Variants in CD1B observed in about 807,000 individuals in gnomAD.
CD1B encodes the protein CD1b molecule, also known as T-cell surface glycoprotein CD1b.
A neutral mutation model predicts 39.8 loss-of-function variants in CD1B; 43 were observed. The observed-to-expected ratio is 1.08, with a 90% CI of 0.85 to 1.39. The LOEUF is 1.39. Among genes scored for constraint, CD1B ranks in the 40% most tolerant of loss-of-function variants. CD1B has a pLI of 0.00. For missense variants in CD1B, 495 were observed against 403.8 expected, an observed-to-expected ratio of 1.23 and a Z score of -1.94; for synonymous variants, 192 against 152.5, an observed-to-expected ratio of 1.26 and a Z score of -1.91.
the CD1B span, among the ~76,000 whole-genome samples, chr1:158,321,400 T>C: frequency 6.6e-6 from 1 of 152,238 alleles, no homozygotes; most frequent in Non-Finnish European, 1.5e-5. Flanking sequence ...TTTGTGTTCT[T>C]CTGCGTAAAG....
chr1:158,293,663 C>T, the CD1B span: 2 of 1,384,284 alleles, frequency 1.4e-6, no homozygotes, highest in Non-Finnish European at 2.0e-6. Flanking sequence ...TTTTATATAG[C>T]ACTCAACCTT....
At chr1:158,318,938 G>T in the CD1B span, among the ~76,000 whole-genome samples, 1 of 152,126 alleles carries the variant, frequency 6.6e-6, no homozygotes, top group Non-Finnish European at 1.5e-5. Context: ...AGTTTGGCTG[G>T]ATATTTAATT....
downstream of CD1B, among the ~76,000 whole-genome samples, chr1:158,327,556 A>G (rs1652400311): frequency 6.6e-6 from 1 of 152,244 alleles, no homozygotes; most frequent in East Asian, 1.9e-4. Context: ...ACAGCAACTC[A>G]GATAGTTTTT....
the CD1B span, among the ~76,000 whole-genome samples, chr1:158,300,867 T>A: frequency 6.6e-6 from 1 of 150,512 alleles, no homozygotes; most frequent in African/African-American, 2.4e-5. Context: ...CATACCATTC[T>A]CCTGCTTGAG....
In CD1B at chr1:158,329,383, G is replaced by A. The variant is rs1280695839; in HGVS notation, c.873C>T (p.Ile291=). The change falls in exon 4 of 6, where the codon ATC becomes ATT. Residue 291 remains isoleucine, a synonymous_variant. Coordinates refer to ENST00000368168, the MANE Select transcript of CD1B (RefSeq NM_001764.3). ...GCTATTTCTTACTCCAGTAGAGGAT[G>A]ATGTCCTGGCCCTCTAAACTGCTGT... is the stretch of plus-strand genomic sequence containing the variant. ...VKHSSLEGQD[I]ILYWRNPTSI... The A allele has an allele frequency of 6.2e-7, 1 of 1,613,612 alleles. No individual in the cohort carries two copies. Among genetic ancestry groups the A allele is most frequent in the East Asian group, 2.2e-5 (1 of 44,864 alleles).
At position 158,330,180 on chromosome 1, in the gene CD1B, A is replaced by G. The variant is rs772087418; in HGVS notation, c.329-50T>C. 2.6e-6 allele frequency: 4 copies of G among 1,516,374 alleles called. No individual in the cohort carries two copies. In the Admixed American group the frequency reaches 6.7e-5, roughly 25 times the overall value. The allele number at this position is 1,516,374 out of a possible 1,614,324, so 93.9% of individuals were successfully genotyped here. A position where few individuals can be genotyped will look rare whatever the true frequency, so the allele number is the denominator to read the frequency against. ...GTTATTAAACACAAATAAGAAAAAA[A>G]GGCATGAGAAAAGAACCTAGGATTT... is the stretch of plus-strand genomic sequence containing the variant. On this transcript the variant is annotated intron_variant, in intron 2 of 5. Coordinates refer to ENST00000368168, the MANE Select transcript of CD1B (RefSeq NM_001764.3).
Position 158,328,141 on chromosome 1 carries a change from G to A in CD1B, c.*95C>T, listed in dbSNP as rs1652428590. On this transcript the variant is annotated 3_prime_UTR_variant, in exon 6 of 6. Coordinates refer to ENST00000368168, the MANE Select transcript of CD1B (RefSeq NM_001764.3). Reference sequence around the variant, plus strand: ...TGAAAACTCTGATTTCATCAAATTTGAAAATCATTTGAAATATGATAAGAT... The same window carrying A: ...TGAAAACTCTGATTTCATCAAATTTAAAAATCATTTGAAATATGATAAGAT... 2.1e-6 allele frequency: 2 copies of A among 935,720 alleles called. No individual in the cohort carries two copies. The highest frequency in any genetic ancestry group is 4.9e-5 in the East Asian group (2 of 40,868). The allele number at this position is 935,720 out of a possible 1,614,324, so 58.0% of individuals were successfully genotyped here.
chr1:158,307,785 C>A, the CD1B span, among the ~76,000 whole-genome samples: 4 of 152,150 alleles, frequency 2.6e-5, no homozygotes, highest in African/African-American at 9.7e-5. Context: ...AATTCAACAA[C>A]CCTTCATGCT....
At chr1:158,308,271 C>T in the CD1B span, among the ~76,000 whole-genome samples, 39 of 152,126 alleles carry the variant, frequency 2.6e-4, 1 homozygote, top group Non-Finnish European at 2.2e-4. Flanking sequence ...ATCCAACTTA[C>T]AAGGGATGTG....
chr1:158,306,397 C>T, the CD1B span, among the ~76,000 whole-genome samples: 226 of 152,196 alleles, frequency 1.5e-3, 1 homozygote, highest in African/African-American at 4.9e-3. Context: ...AAATATTTAT[C>T]CACCCAATAC....
the CD1B span, among the ~76,000 whole-genome samples, chr1:158,322,013 C>T: frequency 6.6e-6 from 1 of 152,132 alleles, no homozygotes; most frequent in Non-Finnish European, 1.5e-5. Flanking sequence ...TAATTTTAAT[C>T]AGAAAAGAAA....
the CD1B span, among the ~76,000 whole-genome samples, chr1:158,291,821 T>C: frequency 1.3e-5 from 2 of 152,156 alleles, no homozygotes; most frequent in Non-Finnish European, 2.9e-5. Context: ...TCACCCTCTA[T>C]CCTATATTAT....
At chr1:158,292,459 A>G in the CD1B span, 1 of 1,499,312 alleles carries the variant, frequency 6.7e-7, no homozygotes, top group Admixed American at 2.0e-5. Context: ...AAAGAGGACA[A>G]GAAGCAGGGG....
the CD1B span, chr1:158,293,644 A>G: frequency 2.0e-6 from 3 of 1,518,716 alleles, no homozygotes; most frequent in Non-Finnish European, 2.7e-6. Context: ...TTTTCTTGGA[A>G]TCTCCACTTT....
intron 5 of CD1B, among the ~76,000 whole-genome samples, 187 bp from the exon 6 acceptor site, chr1:158,328,444 C>T (rs1279387220): frequency 2.0e-5 from 3 of 152,146 alleles, no homozygotes; most frequent in Non-Finnish European, 4.4e-5. Flanking sequence ...AGGAAGGAAG[C>T]CCTTTCATAT....
In CD1B at chr1:158,329,491, G is replaced by T. The variant is rs1571187585; in HGVS notation, c.765C>A (p.Pro255=). ...GGAGATACCATGTCCAGTTAGCATTGGGCAGGATGTCCCCTAGCTGAGTGC... is the reference window on the plus strand; with the variant it reads ...GGAGATACCATGTCCAGTTAGCATTTGGCAGGATGTCCCCTAGCTGAGTGC... ...QQGTQLGDIL[P]NANWTWYLRA... The change falls in exon 4 of 6, where the codon CCC becomes CCA. Residue 255 remains proline, a synonymous_variant. Coordinates refer to ENST00000368168, the MANE Select transcript of CD1B (RefSeq NM_001764.3). 2 of 1,614,096 alleles carry T rather than the reference G, an allele frequency of 1.2e-6. No individual in the cohort carries two copies. The highest frequency in any genetic ancestry group is 2.7e-5 in the African/African-American group (2 of 75,010).
At chr1:158,329,814 G>A in intron 3 of CD1B, 38 bp downstream of exon 3, 2 of 1,592,388 alleles carry the variant, frequency 1.3e-6, no homozygotes, top group Non-Finnish European at 8.5e-7. Context: ...CTTGATCTTA[G>A]AGGAGGTGGT....
chr1:158,320,771 C>G, the CD1B span, among the ~76,000 whole-genome samples: 1 of 152,032 alleles, frequency 6.6e-6, no homozygotes, highest in African/African-American at 2.4e-5. Context: ...CACTGAACCA[C>G]TGGTTGTTCA....
downstream of CD1B, among the ~76,000 whole-genome samples, chr1:158,326,270 C>T (rs1330114834): frequency 6.6e-6 from 1 of 152,106 alleles, no homozygotes; most frequent in African/African-American, 2.4e-5. Flanking sequence ...CCATGCCCGG[C>T]CCACAAATCT....
Sources: allele counts gnomAD v4.1 joint callset (sites outside exome capture counted in the v4.1 genomes callset), GRCh38; gene constraint gnomAD v4.1.1; transcripts MANE v1.5; gene names NCBI Gene and HGNC (gene_info 2026-07-23, HGNC 2026-07-21).